SEPTIN9: variants seen among roughly 807,000 people sequenced by gnomAD.
The protein encoded by SEPTIN9 is septin 9.
In SEPTIN9, 13 loss-of-function variants were observed where a neutral mutation model predicts 56.6. That is an observed-to-expected ratio of 0.23 (90% CI 0.15 to 0.37). The LOEUF (loss-of-function observed/expected upper bound fraction) is 0.37. Among genes scored for constraint, SEPTIN9 ranks in the 10% least tolerant of loss-of-function variants. The pLI is 1.00. For synonymous variants in SEPTIN9, 332 were observed against 334.1 expected (o/e 0.99, Z 0.07); for missense variants, 650 against 823.1 (o/e 0.79, Z 2.57).
intron 2 of SEPTIN9, among the ~76,000 whole-genome samples, chr17:77,335,444 G>A (rs57387508): frequency 0.19 from 27,702 of 147,780 alleles, 2,225 homozygotes; most frequent in Middle Eastern, 0.23. Context: ...GCCCCATGTT[G>A]ACTGTATATG....
rs1463421799 is a variant in SEPTIN9, at chr17:77,318,113, C to T, written c.76+10916C>T. ...ACTTGAATCATCTCAAAACCATCTC[C>T]CCACTCCCTGGTCTGTGGAAAAATT... On this transcript the variant is annotated intron_variant, in intron 2 of 11. Transcript: ENST00000427177. The surrounding 1 kb of genome is among the most constrained non-coding windows in gnomAD (Gnocchi z 4.9). 6.6e-6 allele frequency among the ~76,000 whole-genome samples: 1 copy of T among 151,872 alleles called. No individual in the cohort carries two copies. The highest frequency in any genetic ancestry group is 1.5e-5 in the Non-Finnish European group (1 of 67,934).
chr17:77,429,162 C>T lies in SEPTIN9; in HGVS notation c.721+26459C>T, dbSNP rs950162774. On this transcript the variant is annotated intron_variant, in intron 3 of 11. Coordinates refer to ENST00000427177, the MANE Select transcript of SEPTIN9 (RefSeq NM_001113491.2). The surrounding 1 kb of genome is among the most constrained non-coding windows in gnomAD (Gnocchi z 5.2). ...GGGACTTGGGGGTGTGTCTGCAGCT[C>T]CTGAGGCCAAGACCAAGGCTGAGGC... 1 of 471,938 alleles carries T rather than the reference C, an allele frequency of 2.1e-6. No homozygotes were observed. The highest frequency in any genetic ancestry group is 4.4e-6 in the Non-Finnish European group (1 of 227,460). 29.2% of individuals were successfully genotyped at this position (471,938 alleles called of 1,614,324 possible). A position where few individuals can be genotyped will look rare whatever the true frequency, so the allele number is the denominator to read the frequency against.
rs546839358 is a variant in SEPTIN9, at chr17:77,350,890, C to G, written c.76+43693C>G. On this transcript the variant is annotated intron_variant, in intron 2 of 11. Coordinates refer to ENST00000427177, the MANE Select transcript of SEPTIN9 (RefSeq NM_001113491.2). ...CAAAATTCAATCTTGTTTCATGAAG[C>G]CTGAGGACCCTGCAGAGTGAAAGAC... 1.4e-3 allele frequency among the ~76,000 whole-genome samples: 219 copies of G among 152,192 alleles called. 1 individual carries two copies. Among genetic ancestry groups the G allele is most frequent in the Admixed American group, 3.3e-3 (50 of 15,284 alleles).
intron 4 of SEPTIN9, among the ~76,000 whole-genome samples, chr17:77,486,492 G>GTA (rs1456507274): frequency 1.6e-4 from 15 of 94,246 alleles, no homozygotes; most frequent in African/African-American, 9.7e-4. Context: ...GGAGGGGTGT[G>GTA]TGTGTGTGTG....
chr17:77,364,056 A>T (rs2034498446), intron 2 of SEPTIN9, among the ~76,000 whole-genome samples: 1 of 152,186 alleles, frequency 6.6e-6, no homozygotes. Flanking sequence ...CCCTGAGGTC[A>T]CTTCACAGGA....
intron 1 of SEPTIN9, among the ~76,000 whole-genome samples, chr17:77,283,402 A>G (rs1402437250): frequency 6.6e-6 from 1 of 151,620 alleles, no homozygotes; most frequent in African/African-American, 2.4e-5. Context: ...ATGGAGTGGG[A>G]CTGGAGGGGG....
intron 2 of SEPTIN9, among the ~76,000 whole-genome samples, chr17:77,334,240 G>A (rs1324099976): frequency 6.6e-6 from 1 of 151,808 alleles, no homozygotes; most frequent in African/African-American, 2.4e-5. Flanking sequence ...GGCTAACACG[G>A]TGAAACCCCA....
At position 77,341,369 on chromosome 17, in the gene SEPTIN9, G is replaced by A. The variant is rs113537565; in HGVS notation, c.76+34172G>A. ...GCCTGAGCAGAGGGAGAGAGAGCGG[G>A]GAACAGCCAGTCAGTGGAGCAGTCA... On this transcript the variant is annotated intron_variant, in intron 2 of 11. Coordinates refer to ENST00000427177, the MANE Select transcript of SEPTIN9 (RefSeq NM_001113491.2). Among the ~76,000 whole-genome samples, 19 of 152,306 alleles carry A rather than the reference G, an allele frequency of 1.2e-4. 1 individual carries two copies. The highest frequency in any genetic ancestry group is 4.6e-4 in the African/African-American group (19 of 41,552).
chr17:77,351,678 C>G (rs1237003845), intron 2 of SEPTIN9, among the ~76,000 whole-genome samples: 1 of 152,260 alleles, frequency 6.6e-6, no homozygotes, highest in Non-Finnish European at 1.5e-5. Flanking sequence ...CTGCTGAGGA[C>G]TCTGGTTGGC....
At chr17:77,463,187 C>T (rs886835756) in intron 3 of SEPTIN9, among the ~76,000 whole-genome samples, 15 of 152,306 alleles carry the variant, frequency 9.8e-5, no homozygotes, top group South Asian at 6.2e-4. Flanking sequence ...TCAGTGAGTT[C>T]TTCTTGGACC....
chr17:77,450,933 G>A lies in SEPTIN9; in HGVS notation c.722-31211G>A, dbSNP rs2037940464. 1 of 423,864 alleles carries A rather than the reference G, an allele frequency of 2.4e-6. No homozygotes were observed. The highest frequency in any genetic ancestry group is 3.2e-6 in the Non-Finnish European group (1 of 316,766). 26.3% of individuals were successfully genotyped at this position (423,864 alleles called of 1,614,324 possible). A position where few individuals can be genotyped will look rare whatever the true frequency, so the allele number is the denominator to read the frequency against. The stretch of plus-strand genomic sequence containing the variant: ...CAGGTCTGAATGGCTTTCTGGGGTG[G>A]CTGGCCATGCTCCCTGAGAGCCCAG... On this transcript the variant is annotated intron_variant, in intron 3 of 11. Transcript: ENST00000427177. The surrounding 1 kb of genome is among the most constrained non-coding windows in gnomAD (Gnocchi z 6.0).
At chr17:77,431,917 C>T (rs948658589) in intron 3 of SEPTIN9, among the ~76,000 whole-genome samples, 2 of 151,990 alleles carry the variant, frequency 1.3e-5, no homozygotes, top group Non-Finnish European at 2.9e-5. Flanking sequence ...CAAGACTTGC[C>T]CTGTAAAAGG....
chr17:77,433,715 G>A lies in SEPTIN9; in HGVS notation c.721+31012G>A, dbSNP rs1432551194. ...GCAGAGGAAGGGAGATGGGAATGCC[G>A]GGACCTTCTCCTGCACCTCCCGAAC... is the stretch of plus-strand genomic sequence containing the variant. On this transcript the variant is annotated intron_variant, in intron 3 of 11. Coordinates refer to ENST00000427177, the MANE Select transcript of SEPTIN9 (RefSeq NM_001113491.2). This position sits in a 1 kb window ranked among gnomAD's most constrained non-coding sequence, Gnocchi z 6.4. 1.3e-5 allele frequency among the ~76,000 whole-genome samples: 2 copies of A among 152,120 alleles called. No homozygotes were observed. Among genetic ancestry groups the A allele is most frequent in the South Asian group, 2.1e-4 (1 of 4,836 alleles).
At chr17:77,419,861 TC>T (rs1295166146) in intron 3 of SEPTIN9, 1 of 152,230 alleles carries the variant, frequency 6.6e-6, no homozygotes, top group Non-Finnish European at 1.5e-5. Context: ...GGAGGCTGCA[TC>T]CCCCAAGGCC....
rs1568112371 is a variant in SEPTIN9, at chr17:77,485,002, G to GT, written c.914-2422_914-2421insT. Among the ~76,000 whole-genome samples the GT allele has an allele frequency of 4.4e-4, 15 of 34,098 alleles. 1 individual carries two copies. The highest frequency in any genetic ancestry group is 6.4e-5 in the Non-Finnish European group (1 of 15,682). The allele number at this position is 34,098 out of a possible 152,430, so 22.4% of individuals were successfully genotyped here. On this transcript the variant is annotated intron_variant, in intron 4 of 11. Coordinates refer to ENST00000427177, the MANE Select transcript of SEPTIN9 (RefSeq NM_001113491.2). ...TGGTGGTGATTGTGATGGTGGTGAA[G>GT]GGGGTGATGGTGGTGATTGTGATGG...
intron 2 of SEPTIN9, among the ~76,000 whole-genome samples, chr17:77,398,063 T>C (rs1275867719): frequency 6.6e-6 from 1 of 151,542 alleles, no homozygotes; most frequent in African/African-American, 2.4e-5. Context: ...AGCCTTGATC[T>C]CCTGGCCTCA....
chr17:77,357,618 T>G (rs2034295499), intron 2 of SEPTIN9, among the ~76,000 whole-genome samples: 1 of 152,068 alleles, frequency 6.6e-6, no homozygotes, highest in East Asian at 1.9e-4. Context: ...CCCCTCTCCT[T>G]TCCTTTCCTT....
At chr17:77,444,049 A>C (rs535114918) in intron 3 of SEPTIN9, among the ~76,000 whole-genome samples, 1 of 152,028 alleles carries the variant, frequency 6.6e-6, no homozygotes, top group South Asian at 2.1e-4. Flanking sequence ...ATGATGGAGG[A>C]TGTCAGGAGG....
At chr17:77,338,879 G>A (rs2033641340) in intron 2 of SEPTIN9, among the ~76,000 whole-genome samples, 1 of 152,230 alleles carries the variant, frequency 6.6e-6, no homozygotes, top group Non-Finnish European at 1.5e-5. Flanking sequence ...GATCAAATAA[G>A]TTGATGTAAT....
Sources: allele counts gnomAD v4.1 joint callset (sites outside exome capture counted in the v4.1 genomes callset), GRCh38; gene constraint gnomAD v4.1.1; non-coding constraint Gnocchi (gnomAD v3.1); transcripts MANE v1.5; gene names NCBI Gene and HGNC (gene_info 2026-07-23, HGNC 2026-07-21).